DPP8: variants seen among roughly 807,000 people sequenced by gnomAD.
The protein encoded by DPP8 is dipeptidyl peptidase 8, also known as DPP VIII.
A neutral mutation model predicts 107.5 loss-of-function variants in DPP8; 31 were observed. That is an observed-to-expected ratio of 0.29 (90% CI 0.22 to 0.39). The LOEUF is 0.39. DPP8 is among the 10% of genes least tolerant of loss of function. The pLI is 1.00. For missense variants in DPP8, 842 were observed against 1,076.1 expected, an observed-to-expected ratio of 0.78 and a Z score of 3.04; for synonymous variants, 381 against 356.6, an observed-to-expected ratio of 1.07 and a Z score of -0.77.
intron 1 of DPP8, chr15:65,512,925 C>G (rs565575069): frequency 9.8e-6 from 2 of 204,392 alleles, no homozygotes; most frequent in African/African-American, 4.6e-5. Context: ...AAGAGCACGT[C>G]AATAGTGAAG....
rs766386108 is a variant in DPP8, at chr15:65,507,265, T to A, written c.350A>T (p.Lys117Met). 7 of 1,606,614 alleles carry A rather than the reference T, an allele frequency of 4.4e-6. No individual in the cohort carries two copies. In the South Asian group the frequency reaches 7.8e-5, roughly 18 times the overall value. Residue 117 changes from lysine to methionine, a missense_variant, in exon 3 of 20, where the codon AAG (lysine) becomes ATG (methionine). Around this residue, in one of 2 missense-constraint regions of DPP8, gnomAD observed 663 missense variants for 758.0 expected, o/e 0.87. Coordinates refer to ENST00000300141, the MANE Select transcript of DPP8 (RefSeq NM_130434.5). Reference protein sequence around the residue: ...NRAAVLMLSWKPLLDLFQATL... With the variant: ...NRAAVLMLSWMPLLDLFQATL... ...TACCTGAAAAAGATCCAAAAGAGGC[T>A]TCCAAGAGAGCATTAAGACTGCTGC...
chr15:65,467,087 G>C lies in DPP8; in HGVS notation c.1673C>G (p.Ser558Cys), dbSNP rs2065426005. ...TRLTDRGYSHSCCISQHCDFF... is the reference protein window; with the variant it reads ...TRLTDRGYSHCCCISQHCDFF... The stretch of plus-strand genomic sequence containing the variant: ...ACTTAATACCTGACTGATGCAGCAA[G>C]AATGTGAGTAGCCACGGTCAGTCAG... Residue 558 changes from serine (S) to cysteine (C), a missense_variant, in exon 13 of 20, where the codon TCT becomes TGT. Physicochemically the swap from Ser to Cys is moderately radical, Grantham distance 112. This residue lies in a region of DPP8 where 663 missense variants were observed against 758.0 expected (regional missense o/e 0.87). Coordinates refer to ENST00000300141, the MANE Select transcript of DPP8 (RefSeq NM_130434.5). 4 of 1,614,018 alleles carry C rather than the reference G, an allele frequency of 2.5e-6. No homozygotes were observed. The highest frequency in any genetic ancestry group is 1.7e-6 in the Non-Finnish European group (2 of 1,180,032).
At chr15:65,500,118 T>C (rs573991703) in intron 4 of DPP8, among the ~76,000 whole-genome samples, 266 of 151,952 alleles carry the variant, frequency 1.8e-3, no homozygotes, top group Middle Eastern at 0.017. Flanking sequence ...CCTGAGCTGG[T>C]AAAAAAATTA....
At position 65,452,030 on chromosome 15, in the gene DPP8, G is replaced by C; in HGVS notation, c.2344C>G (p.His782Asp). 1 of 1,613,232 alleles carries C rather than the reference G, an allele frequency of 6.2e-7. No individual in the cohort carries two copies. Among genetic ancestry groups the C allele is most frequent in the Non-Finnish European group, 8.5e-7 (1 of 1,179,706 alleles). The change falls in exon 18 of 20, where the codon CAC becomes GAC. Residue 782 changes from histidine (H) to aspartate (D), a missense_variant. His to Asp is a moderately conservative substitution (Grantham distance 81). Coordinates refer to ENST00000300141, the MANE Select transcript of DPP8 (RefSeq NM_130434.5). ...DTGYTERYMG[H>D]PDQNEQGYYL... ...TAGCCCTGTTCATTCTGGTCAGGGT[G>C]ACCCATATAACGTTCCGTGTATCCT...
At chr15:65,471,789 A>G (rs2065921742) in intron 12 of DPP8, among the ~76,000 whole-genome samples, 1 of 152,158 alleles carries the variant, frequency 6.6e-6, no homozygotes, top group Non-Finnish European at 1.5e-5. Context: ...TGCCCAGCAG[A>G]TACTCTAAAG....
At chr15:65,468,112 T>TA (rs1237953752) in intron 12 of DPP8, among the ~76,000 whole-genome samples, 2 of 152,190 alleles carry the variant, frequency 1.3e-5, no homozygotes, top group East Asian at 3.8e-4. Flanking sequence ...TGAATTCACT[T>TA]AATATTCTTC....
intron 12 of DPP8, among the ~76,000 whole-genome samples, chr15:65,473,590 G>T (rs1020085592): frequency 6.6e-6 from 1 of 152,026 alleles, no homozygotes; most frequent in Non-Finnish European, 1.5e-5. Context: ...GATCGTCTGA[G>T]CCTGGGAGGT....
intron 19 of DPP8, among the ~76,000 whole-genome samples, chr15:65,447,957 A>G (rs2063594056): frequency 6.6e-6 from 1 of 152,212 alleles, no homozygotes; most frequent in Non-Finnish European, 1.5e-5. Context: ...TATTTGAAAG[A>G]CTGGCATAAC....
intron 2 of DPP8, among the ~76,000 whole-genome samples, chr15:65,508,894 G>A (rs1214833174): frequency 6.6e-6 from 1 of 151,860 alleles, no homozygotes; most frequent in Non-Finnish European, 1.5e-5. Context: ...CTGGAGGAGT[G>A]AAGGAAGGAA....
Position 65,508,626 on chromosome 15 carries a change from G to A in DPP8, c.260-1271C>T, listed in dbSNP as rs372189270. 1.7e-4 allele frequency among the ~76,000 whole-genome samples: 26 copies of A among 152,294 alleles called. No homozygotes were observed. In the East Asian group the frequency reaches 2.7e-3, roughly 16 times the overall value. On this transcript the variant is annotated intron_variant, in intron 2 of 19. Coordinates refer to ENST00000300141, the MANE Select transcript of DPP8 (RefSeq NM_130434.5). ...CCAGCACTTTGGGAGGCTGAGGTGG[G>A]CGGATTACCTGAGGTCAGGAGCTCG...
chr15:65,480,627 C>T (rs2066835347), intron 9 of DPP8, among the ~76,000 whole-genome samples: 1 of 152,122 alleles, frequency 6.6e-6, no homozygotes, highest in Admixed American at 6.6e-5. Context: ...CCATAGTTGG[C>T]CTGTGAAAGT....
At chr15:65,463,458 C>T in intron 15 of DPP8, among the ~76,000 whole-genome samples, 1 of 151,890 alleles carries the variant, frequency 6.6e-6, no homozygotes, top group Admixed American at 6.6e-5. Context: ...AGAAGAATCA[C>T]TTGAACCTGG....
At chr15:65,466,459 C>G (rs2065359911) in intron 14 of DPP8, among the ~76,000 whole-genome samples, 1 of 152,004 alleles carries the variant, frequency 6.6e-6, no homozygotes, top group Non-Finnish European at 1.5e-5. Context: ...TTCAAAAAGG[C>G]CTTCCAGACT....
At chr15:65,454,947 G>C (rs1053522717) in intron 16 of DPP8, among the ~76,000 whole-genome samples, 4 of 152,114 alleles carry the variant, frequency 2.6e-5, no homozygotes, top group Admixed American at 2.6e-4. Context: ...GCCTGTCCTA[G>C]AGTTTAGTTA....
At chr15:65,493,274 G>T (rs1230801184) in intron 5 of DPP8, among the ~76,000 whole-genome samples, 1 of 151,984 alleles carries the variant, frequency 6.6e-6, no homozygotes, top group African/African-American at 2.4e-5. Context: ...TAGAGACAGG[G>T]TTTCTCCATG....
chr15:65,514,020 C>T (rs2071128097), intron 1 of DPP8, among the ~76,000 whole-genome samples: 1 of 152,186 alleles, frequency 6.6e-6, no homozygotes, highest in African/African-American at 2.4e-5. Context: ...CAAGGCTGTA[C>T]ATTTAATATA....
chr15:65,454,804 C>T (rs963561118), intron 16 of DPP8, among the ~76,000 whole-genome samples: 18 of 152,282 alleles, frequency 1.2e-4, no homozygotes, highest in Admixed American at 7.2e-4. Context: ...GGATTACAGG[C>T]GTGAGCCACC....
At chr15:65,482,005 T>G (rs1312055373) in intron 8 of DPP8, among the ~76,000 whole-genome samples, 8 of 151,660 alleles carry the variant, frequency 5.3e-5, no homozygotes, top group Admixed American at 5.3e-4. Context: ...TTATATTTTA[T>G]TTATACATAT....
At chr15:65,477,604 A>ACTGCAAGCTCTGCCTCC (rs2066515496) in intron 11 of DPP8, among the ~76,000 whole-genome samples, 1 of 143,744 alleles carries the variant, frequency 7.0e-6, no homozygotes, top group Non-Finnish European at 1.5e-5. Flanking sequence ...ATCTCGGCTC[A>ACTGCAAGCTCTGCCTCC]CTGCAAGCTC....
Sources: allele counts gnomAD v4.1 joint callset (sites outside exome capture counted in the v4.1 genomes callset), GRCh38; gene constraint gnomAD v4.1.1; regional missense constraint gnomAD v4.1.1; transcripts MANE v1.5; gene names NCBI Gene and HGNC (gene_info 2026-07-23, HGNC 2026-07-21).